AHRR: variants seen among roughly 807,000 people sequenced by gnomAD.
AHRR encodes the protein ahR repressor.
Under a neutral mutation model 44.0 loss-of-function variants are expected in AHRR, and 28 were observed. The observed-to-expected ratio is 0.64, with a 90% CI of 0.47 to 0.87. The LOEUF (loss-of-function observed/expected upper bound fraction) is 0.87, where lower values mean the gene tolerates loss of function less well. Among genes scored for constraint, AHRR ranks in the 40% least tolerant of loss-of-function variants. The pLI is 0.00. For missense variants in AHRR, 990 were observed against 953.9 expected (o/e 1.04, Z -0.50); for synonymous variants, 434 against 407.0 (o/e 1.07, Z -0.80).
rs1320713182 is a variant in AHRR, at chr5:435,824, T to C, written c.*990T>C. 1 of 152,710 alleles carries C rather than the reference T, an allele frequency of 6.5e-6. No individual in the cohort carries two copies. Among genetic ancestry groups the C allele is most frequent in the South Asian group, 2.1e-4 (1 of 4,820 alleles). 9.5% of individuals were successfully genotyped at this position (152,710 alleles called of 1,614,324 possible). A position where few individuals can be genotyped will look rare whatever the true frequency, so the allele number is the denominator to read the frequency against. ...TAATTAGGGACAAGACAGACAAGTA[T>C]TAATAGCATTAAAACAGTTGTAAAG... is the stretch of plus-strand genomic sequence containing the variant. On this transcript the variant is annotated 3_prime_UTR_variant, in exon 11 of 11. Coordinates refer to ENST00000684583, the MANE Select transcript of AHRR (RefSeq NM_001377236.1).
rs750005259 is a variant in AHRR, at chr5:432,881, C to G, written c.1046C>G (p.Ala349Gly). The change falls in exon 10 of 11, where the codon GCC (alanine) becomes GGC (glycine). Residue 349 changes from alanine (A) to glycine (G), a missense_variant. Transcript: ENST00000684583. Reference sequence around the variant, plus strand: ...GCTGGCCGATGGGCACAGGTTCCCGCCAGGGCCCCATGCCTGTGCCTCCGG... The same window carrying G: ...GCTGGCCGATGGGCACAGGTTCCCGGCAGGGCCCCATGCCTGTGCCTCCGG... ...TDAGRWAQVPARAPCLCLRGG... is the reference protein window; with the variant it reads ...TDAGRWAQVPGRAPCLCLRGG... The G allele has an allele frequency of 3.7e-5, 59 of 1,613,596 alleles. No individual in the cohort carries two copies. The highest frequency in any genetic ancestry group is 3.3e-4 in the Middle Eastern group (2 of 6,084).
intron 2 of AHRR, among the ~76,000 whole-genome samples, chr5:351,070 CCAGAA>C (rs1456286676): frequency 1.3e-5 from 2 of 152,042 alleles, no homozygotes; most frequent in African/African-American, 4.8e-5. Context: ...TTCACACACA[CCAGAA>C]TGGCTGTAAT....
At chr5:426,792 AGATG>A (rs1200825543) in intron 7 of AHRR, among the ~76,000 whole-genome samples, 163 of 137,764 alleles carry the variant, frequency 1.2e-3, no homozygotes, top group African/African-American at 4.2e-3. Flanking sequence ...ATGGATAGGA[AGATG>A]GATGGATGGA....
chr5:432,393 A>C, intron 8 of AHRR, 70 bp from the exon 9 acceptor site: 1 of 1,471,012 alleles, frequency 6.8e-7, no homozygotes, highest in Non-Finnish European at 9.5e-7. Flanking sequence ...TCTACCATCA[A>C]AACATGTTTC....
Position 342,823 on chromosome 5 carries a change from G to A in AHRR, c.-10-1070G>A, listed in dbSNP as rs1440331946. Among the ~76,000 whole-genome samples, 1 of 152,244 alleles carries A rather than the reference G, an allele frequency of 6.6e-6. No individual in the cohort carries two copies. Among genetic ancestry groups the A allele is most frequent in the Non-Finnish European group, 1.5e-5 (1 of 68,040 alleles). On this transcript the variant is annotated intron_variant, in intron 1 of 10. Transcript: ENST00000684583. The surrounding 1 kb of genome is among the most constrained non-coding windows in gnomAD (Gnocchi z 4.3). ...GATGCCCTCTCTGAGGTGGGTGGCA[G>A]GCAAGCTGACCAGCCTGGGCACAGA...
Position 412,237 on chromosome 5 carries a change from T to C in AHRR, c.352-1107T>C, listed in dbSNP as rs184987785. 8.5e-5 allele frequency among the ~76,000 whole-genome samples: 13 copies of C among 152,194 alleles called. No homozygotes were observed. In the East Asian group the frequency reaches 2.1e-3, roughly 25 times the overall value. On this transcript the variant is annotated intron_variant, in intron 4 of 10. Transcript: ENST00000684583. ...CAAGATGAAATGAATTTCTAGAAAATATTTTAAGATGCCATAGTTAATGTA... is the reference window on the plus strand; with the variant it reads ...CAAGATGAAATGAATTTCTAGAAAACATTTTAAGATGCCATAGTTAATGTA...
At chr5:403,492 T>C (rs888263450) in intron 4 of AHRR, among the ~76,000 whole-genome samples, 11 of 151,920 alleles carry the variant, frequency 7.2e-5, no homozygotes, top group Admixed American at 3.9e-4. Flanking sequence ...AAAAATTAGC[T>C]GGGTGTGGTG....
intron 3 of AHRR, among the ~76,000 whole-genome samples, chr5:367,529 C>T (rs146607856): frequency 5.0e-4 from 76 of 152,360 alleles, no homozygotes; most frequent in Non-Finnish European, 9.7e-4. Context: ...GATGAGCCAG[C>T]CTGGTGGGGC....
intron 4 of AHRR, among the ~76,000 whole-genome samples, chr5:409,789 A>G (rs1169998925): frequency 1.3e-5 from 2 of 152,024 alleles, no homozygotes; most frequent in Non-Finnish European, 1.5e-5. Context: ...ATAAAGCCCA[A>G]TTTATCAAGT....
At chr5:330,587 T>G (rs1348995322) in intron 1 of AHRR, among the ~76,000 whole-genome samples, 1 of 152,186 alleles carries the variant, frequency 6.6e-6, no homozygotes, top group Admixed American at 6.5e-5. Context: ...TTGGGCAGGC[T>G]GGCCTCAAAT....
chr5:382,228 T>C (rs1306031755), intron 4 of AHRR, among the ~76,000 whole-genome samples: 2 of 152,232 alleles, frequency 1.3e-5, no homozygotes, highest in African/African-American at 2.4e-5. Flanking sequence ...CTGGAAGACA[T>C]TGTGTAGAAT....
rs1166963146 is a variant in AHRR, at chr5:387,182, G to A, written c.351+10466G>A. On this transcript the variant is annotated intron_variant, in intron 4 of 10. Coordinates refer to ENST00000684583, the MANE Select transcript of AHRR (RefSeq NM_001377236.1). The surrounding 1 kb of genome is among the most constrained non-coding windows in gnomAD (Gnocchi z 5.1). ...TGGTGTGTTCCACACCTGCAGCTTG[G>A]GATGAGCCAGGACACGTGTCAGTTC... 6.6e-6 allele frequency among the ~76,000 whole-genome samples: 1 copy of A among 152,210 alleles called. No individual in the cohort carries two copies. The highest frequency in any genetic ancestry group is 1.5e-5 in the Non-Finnish European group (1 of 68,040).
In AHRR at chr5:342,121, G is replaced by C. The variant is rs1368319259; in HGVS notation, c.-10-1772G>C. Among the ~76,000 whole-genome samples, 1 of 152,146 alleles carries C rather than the reference G, an allele frequency of 6.6e-6. No homozygotes were observed. Among genetic ancestry groups the C allele is most frequent in the Non-Finnish European group, 1.5e-5 (1 of 68,026 alleles). ...TAAGTCCCAGAATATGGTCTGTCTT[G>C]GCGAATGTTACATGTGTAAAAACCA... On this transcript the variant is annotated intron_variant, in intron 1 of 10. Coordinates refer to ENST00000684583, the MANE Select transcript of AHRR (RefSeq NM_001377236.1). This position sits in a 1 kb window ranked among gnomAD's most constrained non-coding sequence, Gnocchi z 4.3.
chr5:429,898 C>T (rs1165613046), intron 8 of AHRR, among the ~76,000 whole-genome samples: 5 of 152,236 alleles, frequency 3.3e-5, no homozygotes, highest in Admixed American at 2.0e-4. Context: ...GGGGTTGCCA[C>T]GGCCCTGTGT....
chr5:391,372 ATGGG>A (rs1734427804), intron 4 of AHRR, among the ~76,000 whole-genome samples: 11 of 109,984 alleles, frequency 1.0e-4, no homozygotes, highest in African/African-American at 4.2e-4. Context: ...CAGAGCGTGC[ATGGG>A]CGCAGGGCGA....
chr5:399,943 C>G (rs1428838026), intron 4 of AHRR, among the ~76,000 whole-genome samples: 2 of 152,228 alleles, frequency 1.3e-5, no homozygotes, highest in Admixed American at 1.3e-4. Context: ...AGTTATTCAG[C>G]TCCCCAAGCA....
At chr5:381,003 T>C (rs1437612644) in intron 4 of AHRR, among the ~76,000 whole-genome samples, 1 of 152,246 alleles carries the variant, frequency 6.6e-6, no homozygotes, top group Non-Finnish European at 1.5e-5. Context: ...GTGCAAGTCC[T>C]GGAGTCTAAG....
chr5:361,478 G>T (rs149925637), intron 3 of AHRR, among the ~76,000 whole-genome samples: 27 of 152,330 alleles, frequency 1.8e-4, no homozygotes, highest in African/African-American at 6.0e-4. Flanking sequence ...GTGCCTGGGG[G>T]TGATTCAGAG....
intron 5 of AHRR, chr5:421,107 C>T: frequency 1.8e-6 from 1 of 548,152 alleles, no homozygotes; most frequent in Non-Finnish European, 3.2e-6. Flanking sequence ...CCAGAAGGTG[C>T]AGCGGCTGGA....
Sources: allele counts gnomAD v4.1 joint callset (sites outside exome capture counted in the v4.1 genomes callset), GRCh38; gene constraint gnomAD v4.1.1; non-coding constraint Gnocchi (gnomAD v3.1); transcripts MANE v1.5; gene names NCBI Gene and HGNC (gene_info 2026-07-23, HGNC 2026-07-21).